CNTN5: variants seen among roughly 807,000 people sequenced by gnomAD.
The protein encoded by CNTN5 is contactin-5.
In CNTN5, 77 loss-of-function variants were observed where a neutral mutation model predicts 129.1. The ratio of observed to expected loss-of-function variants is 0.60; its 90% CI spans 0.50 to 0.72. The LOEUF (loss-of-function observed/expected upper bound fraction) is 0.72, where lower values mean the gene tolerates loss of function less well. Among genes scored for constraint, CNTN5 ranks in the 30% least tolerant of loss-of-function variants. CNTN5 has a pLI of 0.00. For synonymous variants in CNTN5, 509 were observed against 465.6 expected (o/e 1.09, Z -1.20); for missense variants, 1,478 against 1,328.8 (o/e 1.11, Z -1.75).
intron 1 of CNTN5, among the ~76,000 whole-genome samples, chr11:99,174,681 T>C (rs1226290250): frequency 6.6e-6 from 1 of 152,174 alleles, no homozygotes; most frequent in East Asian, 1.9e-4. Flanking sequence ...AATTGCTATG[T>C]CACTATGCAA....
chr11:99,778,705 CA>C (rs1247675979), intron 3 of CNTN5, among the ~76,000 whole-genome samples: 1 of 151,356 alleles, frequency 6.6e-6, no homozygotes, highest in Non-Finnish European at 1.5e-5. Flanking sequence ...TCTCCAAGGA[CA>C]AGTAATAAAC....
At chr11:100,212,530 A>C (rs1273173047) in intron 15 of CNTN5, among the ~76,000 whole-genome samples, 1 of 152,192 alleles carries the variant, frequency 6.6e-6, no homozygotes, top group East Asian at 1.9e-4. Context: ...GCATCTAATT[A>C]CATTACTGCA....
chr11:99,276,004 C>G (rs951635515), intron 1 of CNTN5, among the ~76,000 whole-genome samples: 3 of 151,602 alleles, frequency 2.0e-5, no homozygotes. Flanking sequence ...TTCTCTGCCC[C>G]ACTCTTTTCC....
chr11:100,272,722 C>T lies in CNTN5; in HGVS notation c.2314+1481C>T, dbSNP rs147779204. Among the ~76,000 whole-genome samples, 270 of 152,220 alleles carry T rather than the reference C, an allele frequency of 1.8e-3. 2 individuals are homozygous for T. Among genetic ancestry groups the T allele is most frequent in the African/African-American group, 6.2e-3 (256 of 41,546 alleles). On this transcript the variant is annotated intron_variant, in intron 18 of 24. Coordinates refer to ENST00000524871, the MANE Select transcript of CNTN5 (RefSeq NM_014361.4). ...ACGTTGGGACCCCTACGCGGGGCTA[C>T]AGCACACCCGGATTTATTTCTGGCC...
chr11:99,261,584 A>C (rs927242263), intron 1 of CNTN5, among the ~76,000 whole-genome samples: 1 of 152,016 alleles, frequency 6.6e-6, no homozygotes, highest in African/African-American at 2.4e-5. Flanking sequence ...TGCTGAATCC[A>C]TTTCATGTAA....
At chr11:100,243,770 C>T (rs1949788158) in intron 16 of CNTN5, among the ~76,000 whole-genome samples, 1 of 152,194 alleles carries the variant, frequency 6.6e-6, no homozygotes, top group African/African-American at 2.4e-5. Flanking sequence ...TATCTCAGTT[C>T]ATGACTGATT....
At chr11:99,113,098 C>A (rs912672015) in intron 1 of CNTN5, among the ~76,000 whole-genome samples, 2 of 151,980 alleles carry the variant, frequency 1.3e-5, no homozygotes, top group Admixed American at 6.6e-5. Context: ...AAAATATAAT[C>A]TACGGTACTT....
intron 3 of CNTN5, among the ~76,000 whole-genome samples, chr11:99,630,144 A>G (rs1951285958): frequency 6.6e-6 from 1 of 151,798 alleles, no homozygotes; most frequent in African/African-American, 2.4e-5. Flanking sequence ...TTCATTAAAA[A>G]TAAAGATGGA....
At chr11:99,331,384 T>C (rs866806285) in intron 2 of CNTN5, among the ~76,000 whole-genome samples, 42 of 152,164 alleles carry the variant, frequency 2.8e-4, no homozygotes, top group African/African-American at 8.7e-4. Context: ...TAACTATAGA[T>C]AGATGTAGGA....
chr11:99,224,801 A>G (rs1039812108), intron 1 of CNTN5, among the ~76,000 whole-genome samples: 7 of 151,382 alleles, frequency 4.6e-5, no homozygotes, highest in African/African-American at 9.7e-5. Flanking sequence ...TTTTCAAGGT[A>G]ACCCACATCT....
At position 100,043,332 on chromosome 11, in the gene CNTN5, A is replaced by C. The variant is rs143733005; in HGVS notation, c.981-17880A>C. Among the ~76,000 whole-genome samples the C allele has an allele frequency of 5.6e-4, 86 of 152,308 alleles. 3 individuals are homozygous for C. In the East Asian group the frequency reaches 0.011, roughly 20 times the overall value. ...GCTCAAGAACACTATTTCATTTAAC[A>C]ATAGCTTATGTTTGGAAGTCTTTCC... is the stretch of plus-strand genomic sequence containing the variant. On this transcript the variant is annotated intron_variant, in intron 9 of 24. Coordinates refer to ENST00000524871, the MANE Select transcript of CNTN5 (RefSeq NM_014361.4).
chr11:99,809,730 T>G (rs1946374731), intron 3 of CNTN5, among the ~76,000 whole-genome samples: 1 of 152,160 alleles, frequency 6.6e-6, no homozygotes, highest in African/African-American at 2.4e-5. Flanking sequence ...CACAGAATTG[T>G]TTCTAAAATT....
intron 6 of CNTN5, among the ~76,000 whole-genome samples, chr11:99,875,580 A>G (rs889926668): frequency 6.6e-5 from 10 of 152,134 alleles, no homozygotes; most frequent in Non-Finnish European, 1.5e-5. Context: ...GTATTCTTTT[A>G]TATAGCTCCT....
chr11:99,390,219 G>C (rs1334312049), intron 2 of CNTN5, among the ~76,000 whole-genome samples: 1 of 151,680 alleles, frequency 6.6e-6, no homozygotes, highest in Non-Finnish European at 1.5e-5. Flanking sequence ...CTGAGCTCAA[G>C]CAATCCTACT....
intron 8 of CNTN5, among the ~76,000 whole-genome samples, chr11:99,977,733 C>A (rs1390382326): frequency 6.6e-6 from 1 of 152,142 alleles, no homozygotes; most frequent in East Asian, 1.9e-4. Context: ...TCTCATGAGG[C>A]CCCGCCTTCA....
At chr11:100,280,033 T>G (rs1950601180) in intron 18 of CNTN5, among the ~76,000 whole-genome samples, 1 of 151,710 alleles carries the variant, frequency 6.6e-6, no homozygotes, top group Non-Finnish European at 1.5e-5. Context: ...TTCAAGAAAT[T>G]TTTCAATTCC....
At chr11:99,470,874 C>T (rs1461820878) in intron 2 of CNTN5, among the ~76,000 whole-genome samples, 1 of 151,966 alleles carries the variant, frequency 6.6e-6, no homozygotes, top group Non-Finnish European at 1.5e-5. Flanking sequence ...CTTTGACATA[C>T]TTTCACAAGT....
At position 99,477,012 on chromosome 11, in the gene CNTN5, A is replaced by G. The variant is rs140137046; in HGVS notation, c.-70-79133A>G. ...TTTTTCTTACCATCTCTCCAGTCAG[A>G]CTTTCTTTAAAAAAAATTTATCCAT... On this transcript the variant is annotated intron_variant, in intron 2 of 24. Coordinates refer to ENST00000524871, the MANE Select transcript of CNTN5 (RefSeq NM_014361.4). 8.3e-4 allele frequency among the ~76,000 whole-genome samples: 126 copies of G among 151,224 alleles called. 4 individuals carry two copies. The East Asian group carries it at 0.022, about 27-fold the overall frequency.
chr11:100,045,139 C>T (rs780200628), intron 9 of CNTN5, among the ~76,000 whole-genome samples: 5 of 151,382 alleles, frequency 3.3e-5, no homozygotes, highest in Admixed American at 2.6e-4. Flanking sequence ...TATTCATTCT[C>T]GATTCCTTTC....
Sources: gnomAD v4.1 joint callset for allele counts (sites outside exome capture counted in the v4.1 genomes callset) on GRCh38, gnomAD v4.1.1 for gene constraint, MANE v1.5 for transcripts, NCBI Gene and HGNC (gene_info 2026-07-23, HGNC 2026-07-21) for gene names.